EPHA7: variants seen among roughly 807,000 people sequenced by gnomAD.
EPHA7 encodes EPH receptor A7.
EPHA7 carries 25 observed loss-of-function variants against 112.6 expected under a neutral mutation model. The observed-to-expected ratio is 0.22, with a 90% confidence interval of 0.16 to 0.31. The LOEUF is 0.31. Ranked by LOEUF, EPHA7 falls within the 10% of genes least tolerant of loss-of-function variation. The pLI is 1.00. For synonymous variants in EPHA7, 437 were observed against 406.5 expected, an observed-to-expected ratio of 1.07 and a Z score of -0.90; for missense variants, 962 against 1,212.6, an observed-to-expected ratio of 0.79 and a Z score of 3.07.
intron 3 of EPHA7, among the ~76,000 whole-genome samples, chr6:93,363,539 G>A (rs1776356766): frequency 6.6e-6 from 1 of 152,068 alleles, no homozygotes; most frequent in Non-Finnish European, 1.5e-5. Context: ...ACATCTACTA[G>A]GATGGCTATA....
At position 93,356,763 on chromosome 6, in the gene EPHA7, T is replaced by C. The variant is rs1344034245; in HGVS notation, c.1278A>G (p.Arg426=). The change falls in exon 5 of 17, where the codon CGA becomes CGG. Residue 426 remains arginine, a synonymous_variant. Transcript: ENST00000369303. Reference sequence around the variant, plus strand: ...TGACAGCAGCAAAGAGCCTCTGGGATCGGCTTAAGTCAGAAACTCCATTTA... The same window carrying C: ...TGACAGCAGCAAAGAGCCTCTGGGACCGGCTTAAGTCAGAAACTCCATTTA... ...EAVNGVSDLS[R]SQRLFAAVSI... is the part of the protein sequence containing the mutation. 2 of 1,613,976 alleles carry C rather than the reference T, an allele frequency of 1.2e-6. No homozygotes were observed. Among genetic ancestry groups the C allele is most frequent in the Non-Finnish European group, 1.7e-6 (2 of 1,179,928 alleles).
chr6:93,305,969 C>A (rs1015863315), intron 5 of EPHA7, among the ~76,000 whole-genome samples: 2 of 151,818 alleles, frequency 1.3e-5, no homozygotes, highest in Non-Finnish European at 2.9e-5. Context: ...CAATGGATAT[C>A]ATAATAAAAT....
chr6:93,391,290 C>G (rs908016153), intron 3 of EPHA7, among the ~76,000 whole-genome samples: 1 of 151,926 alleles, frequency 6.6e-6, no homozygotes, highest in African/African-American at 2.4e-5. Context: ...ATGGAAACTT[C>G]TGTGGCATCT....
intron 5 of EPHA7, among the ~76,000 whole-genome samples, chr6:93,284,897 ATGATGGGT>A (rs1771984401): frequency 6.6e-6 from 1 of 152,130 alleles, no homozygotes; most frequent in Non-Finnish European, 1.5e-5. Flanking sequence ...CGTAATGTAG[ATGATGGGT>A]TGATGGGTGC....
chr6:93,363,761 C>T (rs761241857), intron 3 of EPHA7, among the ~76,000 whole-genome samples: 6 of 152,112 alleles, frequency 3.9e-5, no homozygotes, highest in Non-Finnish European at 8.8e-5. Flanking sequence ...AAAACCTGTA[C>T]ATTAATGTTC....
At chr6:93,295,059 A>C (rs1017287573) in intron 5 of EPHA7, among the ~76,000 whole-genome samples, 1 of 151,750 alleles carries the variant, frequency 6.6e-6, no homozygotes, top group Non-Finnish European at 1.5e-5. Context: ...GAAAGAGATA[A>C]AGAGAACGAG....
At chr6:93,377,486 G>C (rs915338929) in intron 3 of EPHA7, among the ~76,000 whole-genome samples, 2 of 150,754 alleles carry the variant, frequency 1.3e-5, no homozygotes, top group Non-Finnish European at 2.9e-5. Flanking sequence ...AAGTTCCCTA[G>C]ATGATTTGCT....
chr6:93,244,106 C>A (rs1190777664), intron 16 of EPHA7, among the ~76,000 whole-genome samples: 3 of 152,096 alleles, frequency 2.0e-5, no homozygotes, highest in Non-Finnish European at 4.4e-5. Flanking sequence ...AAATGTACAT[C>A]TAAATTTAAT....
At chr6:93,315,121 C>G (rs1773744698) in intron 5 of EPHA7, among the ~76,000 whole-genome samples, 1 of 150,258 alleles carries the variant, frequency 6.7e-6, no homozygotes. Flanking sequence ...CTCGGCCTCC[C>G]AAAGTGCTGG....
rs1562047011 is a variant in EPHA7 at position 93,255,835 on chromosome 6, G to T, written c.2375C>A (p.Thr792Lys). The T allele has an allele frequency of 6.2e-7, 1 of 1,613,416 alleles. No individual in the cohort carries two copies. The highest frequency in any genetic ancestry group is 1.3e-5 in the African/African-American group (1 of 74,920). ...TAAATGACTTTTTCTTACAGTAGTT[G>T]TATAGACAGCTTCTGGATCATCCTC... ...VIEDDPEAVY[T>K]TTGGKIPVRW... The change falls in exon 13 of 17, where the codon ACA (threonine) becomes AAA (lysine). Residue 792 changes from threonine (T) to lysine (K), a missense_variant. Thr to Lys is a moderately conservative substitution (Grantham distance 78). This residue lies in a region of EPHA7 where 746 missense variants were observed against 889.2 expected (regional missense o/e 0.84). Transcript: ENST00000369303.
chr6:93,409,817 T>A (rs1778888441), intron 3 of EPHA7: 1 of 151,586 alleles, frequency 6.6e-6, no homozygotes, highest in African/African-American at 2.4e-5. Flanking sequence ...CATACATGAT[T>A]GTTTCAAAAC....
chr6:93,357,145 G>T, intron 4 of EPHA7, 93 bp from the exon 5 acceptor site: 1 of 939,950 alleles, frequency 1.1e-6, no homozygotes, highest in Non-Finnish European at 1.6e-6. Flanking sequence ...GGGGCATTAA[G>T]CTAGTGGCTC....
At chr6:93,270,179 C>A (rs1208462229) in intron 6 of EPHA7, among the ~76,000 whole-genome samples, 1 of 151,326 alleles carries the variant, frequency 6.6e-6, no homozygotes, top group Non-Finnish European at 1.5e-5. Flanking sequence ...ACAGAATAAA[C>A]CACTTCTGCA....
At chr6:93,290,509 A>C (rs1431178017) in intron 5 of EPHA7, among the ~76,000 whole-genome samples, 1 of 152,136 alleles carries the variant, frequency 6.6e-6, no homozygotes, top group Non-Finnish European at 1.5e-5. Flanking sequence ...TGCCAGGTCT[A>C]ATTCAGAGAG....
At chr6:93,280,825 G>T (rs1771699052) in intron 5 of EPHA7, among the ~76,000 whole-genome samples, 1 of 151,908 alleles carries the variant, frequency 6.6e-6, no homozygotes, top group South Asian at 2.1e-4. Context: ...CAAAAAAAAA[G>T]TATTATTATT....
At chr6:93,259,595 C>T in intron 9 of EPHA7, 116 bp from the exon 10 acceptor site, 1 of 1,231,870 alleles carries the variant, frequency 8.1e-7, no homozygotes, top group Non-Finnish European at 1.2e-6. Flanking sequence ...TTCCACATCA[C>T]CTGATTCACA....
chr6:93,329,834 C>T (rs975245974), intron 5 of EPHA7, among the ~76,000 whole-genome samples: 1 of 151,184 alleles, frequency 6.6e-6, no homozygotes, highest in African/African-American at 2.4e-5. Flanking sequence ...CTTTCCATTA[C>T]ACTCATCAGC....
intron 13 of EPHA7, among the ~76,000 whole-genome samples, chr6:93,255,603 A>G (rs991334148): frequency 6.6e-6 from 1 of 152,082 alleles, no homozygotes; most frequent in African/African-American, 2.4e-5. Context: ...CTCTCCCAAT[A>G]TAGGGCAGTC....
rs368956887 is a variant in EPHA7 at position 93,358,425 on chromosome 6, A to G, written c.833-14T>C. The G allele has an allele frequency of 1.3e-6, 2 of 1,587,302 alleles. No individual in the cohort carries two copies. Among genetic ancestry groups the G allele is most frequent in the African/African-American group, 2.7e-5 (2 of 73,468 alleles). ...CACGGCCACAGGCTGGGAATGCAAA[A>G]GAAAGCAAAAATTGAGACATGAGAG... On this transcript the variant is annotated splice_polypyrimidine_tract_variant and intron_variant, in intron 3 of 16. Transcript: ENST00000369303.
Sources: gnomAD v4.1 joint callset for allele counts (sites outside exome capture counted in the v4.1 genomes callset) on GRCh38, gnomAD v4.1.1 for gene constraint, gnomAD v4.1.1 regional missense constraint, MANE v1.5 for transcripts, NCBI Gene and HGNC (gene_info 2026-07-23, HGNC 2026-07-21) for gene names.